MICAL2: variants seen among roughly 807,000 people sequenced by gnomAD.
MICAL2 encodes the protein microtubule associated monooxygenase, calponin and LIM domain containing 2, also known as [F-actin]-monooxygenase MICAL2.
Under a neutral mutation model 127.3 loss-of-function variants are expected in MICAL2, and 77 were observed. That is an observed-to-expected ratio of 0.60 (90% CI 0.50 to 0.73). The LOEUF is 0.73. Ranked by LOEUF, MICAL2 falls within the 30% of genes least tolerant of loss-of-function variation. The pLI, the probability that MICAL2 is intolerant of heterozygous loss-of-function variation, is 0.00. For missense variants in MICAL2, 1,351 were observed against 1,434.4 expected (o/e 0.94, Z 0.94); for synonymous variants, 570 against 551.1 (o/e 1.03, Z -0.48).
rs142119170 is a variant in MICAL2, at chr11:12,325,241, C to A, written c.5421+1171C>A. Reference sequence around the variant, plus strand: ...TCTCTTGCCTCAGCCTCCTGAGTAGCTGGGATTACAGAAGCCCACCACCAC... The same window carrying A: ...TCTCTTGCCTCAGCCTCCTGAGTAGATGGGATTACAGAAGCCCACCACCAC... On this transcript the variant is annotated intron_variant, in intron 31 of 34. Coordinates refer to the MICAL2 transcript ENST00000646065. Among the ~76,000 whole-genome samples, 1,174 of 152,208 alleles carry A rather than the reference C, an allele frequency of 7.7e-3. 22 individuals carry two copies. Among genetic ancestry groups the A allele is most frequent in the African/African-American group, 0.027 (1,136 of 41,528 alleles).
intron 3 of MICAL2, among the ~76,000 whole-genome samples, chr11:12,168,442 C>T (rs1453959975): frequency 6.6e-6 from 1 of 151,678 alleles, no homozygotes; most frequent in Non-Finnish European, 1.5e-5. Context: ...TACACACATA[C>T]ACACACCACA....
intron 1 of MICAL2, among the ~76,000 whole-genome samples, chr11:12,120,070 T>C (rs1288937364): frequency 1.3e-5 from 2 of 152,106 alleles, no homozygotes; most frequent in African/African-American, 4.8e-5. Context: ...CCTCCCACAT[T>C]CTTTGAATTT....
chr11:12,124,767 A>G (rs971250194), intron 1 of MICAL2, among the ~76,000 whole-genome samples: 1 of 152,202 alleles, frequency 6.6e-6, no homozygotes, highest in African/African-American at 2.4e-5. Flanking sequence ...AGTTGCATTC[A>G]GAGTCCAAGT....
At chr11:12,249,568 CA>C (rs1861256048) in intron 22 of MICAL2, among the ~76,000 whole-genome samples, 1 of 152,242 alleles carries the variant, frequency 6.6e-6, no homozygotes, top group Admixed American at 6.5e-5. Context: ...TCTTCTCATA[CA>C]GGGACTCCTC....
chr11:12,158,714 A>G (rs1266687390), intron 2 of MICAL2, among the ~76,000 whole-genome samples: 1 of 152,168 alleles, frequency 6.6e-6, no homozygotes, highest in Non-Finnish European at 1.5e-5. Flanking sequence ...GCATCTACAG[A>G]TTTTGGTATC....
intron 22 of MICAL2, chr11:12,250,374 T>TC (rs1861380146): frequency 1.3e-5 from 2 of 152,236 alleles, no homozygotes; most frequent in Admixed American, 1.3e-4. Flanking sequence ...ATCCATTCCC[T>TC]CAAGCATTTA....
rs779629412 is a variant in MICAL2 at position 12,239,575 on chromosome 11, T to G, written c.2204T>G (p.Leu735Arg). Residue 735 changes from leucine (L) to arginine (R), a missense_variant, in exon 17 of 28, where the codon CTC becomes CGC. Transcript: ENST00000683283. ...GAGGAGAGCACTCGGAACCCCTCAC[T>G]CATGAAGCAGGTGAGTCATGTCAAA... Reference protein sequence around the residue: ...KFEESTRNPSLMKQERRVSGI... With the variant: ...KFEESTRNPSRMKQERRVSGI... 1.2e-6 allele frequency: 2 copies of G among 1,613,918 alleles called. No individual in the cohort carries two copies. The highest frequency in any genetic ancestry group is 1.7e-6 in the Non-Finnish European group (2 of 1,179,978).
At chr11:12,135,029 C>T (rs1851728389) in intron 1 of MICAL2, among the ~76,000 whole-genome samples, 1 of 152,140 alleles carries the variant, frequency 6.6e-6, no homozygotes, top group African/African-American at 2.4e-5. Context: ...CTAAGAGGAC[C>T]AGGCCTTCCC....
At chr11:12,336,127 A>C (rs1458600646) in intron 32 of MICAL2, among the ~76,000 whole-genome samples, 6 of 152,124 alleles carry the variant, frequency 3.9e-5, no homozygotes, top group Admixed American at 1.3e-4. Flanking sequence ...CTTTTATTTC[A>C]TTGAGCAGTG....
intron 29 of MICAL2, among the ~76,000 whole-genome samples, chr11:12,298,683 G>A (rs980613988): frequency 1.3e-5 from 2 of 152,104 alleles, no homozygotes; most frequent in Admixed American, 1.3e-4. Context: ...CTATTTCGGT[G>A]AGAGTATTTT....
chr11:12,125,106 G>A (rs4757215), intron 1 of MICAL2, among the ~76,000 whole-genome samples: 23,841 of 152,226 alleles, frequency 0.16, 2,019 homozygotes, highest in African/African-American at 0.2. Context: ...AGCCCCACCC[G>A]CCAGAGCTCA....
intron 1 of MICAL2, among the ~76,000 whole-genome samples, chr11:12,113,268 C>T (rs1392390244): frequency 6.6e-6 from 1 of 152,228 alleles, no homozygotes; most frequent in Non-Finnish European, 1.5e-5. Context: ...ACAACTTGGC[C>T]GGGTGTGGTG....
Position 12,260,319 on chromosome 11 carries a change from C to T in MICAL2, c.3334+422C>T, listed in dbSNP as rs370747072. ...CAAAGAATTTCACATGGGCCACCTCCGCCTGGCCTTATCAGGGTGAACATC... is the reference window on the plus strand; with the variant it reads ...CAAAGAATTTCACATGGGCCACCTCTGCCTGGCCTTATCAGGGTGAACATC... On this transcript the variant is annotated intron_variant, in intron 26 of 27. Coordinates refer to ENST00000683283, the MANE Select transcript of MICAL2 (RefSeq NM_001282663.2). 175 of 1,418,894 alleles carry T rather than the reference C, an allele frequency of 1.2e-4. No homozygotes were observed. In the East Asian group the frequency reaches 3.1e-3, roughly 25 times the overall value. The allele number at this position is 1,418,894 out of a possible 1,614,324, so 87.9% of individuals were successfully genotyped here.
chr11:12,315,820 A>G (rs979174342), intron 29 of MICAL2, among the ~76,000 whole-genome samples: 1 of 152,188 alleles, frequency 6.6e-6, no homozygotes, highest in Middle Eastern at 3.2e-3. Context: ...TTTCCAAGAG[A>G]AAAGGGTTAA....
chr11:12,259,739 A>C, intron 25 of MICAL2, 56 bp from the exon 26 acceptor site: 3 of 1,451,392 alleles, frequency 2.1e-6, no homozygotes, highest in Non-Finnish European at 2.8e-6. Context: ...GGCTTTGTTG[A>C]AGTAGTCCTC....
At chr11:12,260,110 G>C (rs1182728607) in intron 26 of MICAL2, 3 of 1,536,006 alleles carry the variant, frequency 2.0e-6, no homozygotes, top group Non-Finnish European at 2.6e-6. Context: ...CAGGGAATCT[G>C]AGGGCTCCCT....
chr11:12,349,310 T>C (rs1353975603), intron 32 of MICAL2, among the ~76,000 whole-genome samples: 1 of 152,196 alleles, frequency 6.6e-6, no homozygotes, highest in Non-Finnish European at 1.5e-5. Context: ...TGTATTATTA[T>C]TATTTGGCTT....
rs777006718 is a variant in MICAL2 at position 12,204,367 on chromosome 11, C to T, written c.382C>T (p.His128Tyr). 6.2e-7 allele frequency: 1 copy of T among 1,612,568 alleles called. No homozygotes were observed. Among genetic ancestry groups the T allele is most frequent in the Non-Finnish European group, 8.5e-7 (1 of 1,178,940 alleles). The change falls in exon 4 of 28, where the codon CAC becomes TAC. Residue 128 changes from histidine to tyrosine, a missense_variant. Around this residue, in one of 2 missense-constraint regions of MICAL2, gnomAD observed 599 missense variants for 714.9 expected, o/e 0.84. Coordinates refer to ENST00000683283, the MANE Select transcript of MICAL2 (RefSeq NM_001282663.2). ...RDSFSRNNVL[H>Y]LWPFTIHDLR... ...CTCCTTCTCCCGGAACAACGTGCTA[C>T]ACCTCTGGCCTTTCACCATCCATGA...
intron 6 of MICAL2, among the ~76,000 whole-genome samples, chr11:12,212,687 T>C (rs764338700): frequency 6.6e-6 from 1 of 152,060 alleles, no homozygotes; most frequent in Non-Finnish European, 1.5e-5. Context: ...GCAATGACGC[T>C]ATTTCCAATA....
Sources: allele counts gnomAD v4.1 joint callset (sites outside exome capture counted in the v4.1 genomes callset), GRCh38; gene constraint gnomAD v4.1.1; regional missense constraint gnomAD v4.1.1; transcripts MANE v1.5; gene names NCBI Gene and HGNC (gene_info 2026-07-23, HGNC 2026-07-21).